The following GALNT14 variants were observed in gnomAD, a reference collection of about 807,000 sequenced individuals.
The protein encoded by GALNT14 is polypeptide N-acetylgalactosaminyltransferase 14.
A neutral mutation model predicts 77.5 loss-of-function variants in GALNT14; 60 were observed. The observed-to-expected ratio is 0.77, with a 90% confidence interval of 0.63 to 0.96. The LOEUF (loss-of-function observed/expected upper bound fraction) is 0.96. GALNT14 is among the 40% of genes least tolerant of loss of function. The probability of loss-of-function intolerance (pLI) is 0.00; values close to 1 mark genes in which losing one functional copy is unlikely to be tolerated. For missense variants in GALNT14, 710 were observed against 731.0 expected, an observed-to-expected ratio of 0.97 and a Z score of 0.33; for synonymous variants, 280 against 281.7, an observed-to-expected ratio of 0.99 and a Z score of 0.06.
At chr2:30,889,055 G>A in the GALNT14 span, among the ~76,000 whole-genome samples, 1 of 152,062 alleles carries the variant, frequency 6.6e-6, no homozygotes, top group Non-Finnish European at 1.5e-5. Flanking sequence ...CCTGGGAGTA[G>A]GACTCCTCCC....
the GALNT14 span, among the ~76,000 whole-genome samples, chr2:30,891,757 C>A: frequency 6.6e-6 from 1 of 152,100 alleles, no homozygotes; most frequent in African/African-American, 2.4e-5. Flanking sequence ...ATTCTTCCTG[C>A]ATTATGAGAG....
chr2:31,074,171 C>A (rs1229129727), intron 1 of GALNT14, among the ~76,000 whole-genome samples: 5 of 152,068 alleles, frequency 3.3e-5, no homozygotes, highest in African/African-American at 1.2e-4. Flanking sequence ...GGAGACGGTG[C>A]CAGGGAGACG....
intron 2 of GALNT14, among the ~76,000 whole-genome samples, chr2:30,984,956 C>T (rs1285618104): frequency 6.6e-6 from 1 of 152,028 alleles, no homozygotes; most frequent in Non-Finnish European, 1.5e-5. Flanking sequence ...TGTATTAATT[C>T]CAAGAGCAAG....
intron 2 of GALNT14, among the ~76,000 whole-genome samples, chr2:30,987,400 C>T (rs1669364652): frequency 6.6e-6 from 1 of 152,152 alleles, no homozygotes; most frequent in South Asian, 2.1e-4. Flanking sequence ...CCCTGGAAAT[C>T]CTAAGAAAGG....
intron 1 of GALNT14, among the ~76,000 whole-genome samples, chr2:31,125,618 A>C (rs937299404): frequency 6.6e-6 from 1 of 152,242 alleles, no homozygotes; most frequent in Non-Finnish European, 1.5e-5. Context: ...AAAAGGACTA[A>C]GTGTAAAACG....
intron 6 of GALNT14, among the ~76,000 whole-genome samples, chr2:30,950,543 G>C (rs1282204663): frequency 3.3e-5 from 5 of 152,114 alleles, no homozygotes; most frequent in Non-Finnish European, 5.9e-5. Context: ...GGAAACACAG[G>C]CTGACTCACG....
intron 1 of GALNT14, among the ~76,000 whole-genome samples, chr2:31,116,248 G>A (rs1476370506): frequency 6.6e-6 from 1 of 151,762 alleles, no homozygotes; most frequent in East Asian, 1.9e-4. Context: ...GTAATAAAAT[G>A]GAGAAAGATA....
At chr2:30,942,341 T>C (rs754321805) in intron 8 of GALNT14, 37 bp from the exon 9 acceptor site, 34 of 1,487,840 alleles carry the variant, frequency 2.3e-5, no homozygotes, top group Non-Finnish European at 1.9e-6. Context: ...GGATCAGTTC[T>C]AGTGGGGAGA....
chr2:31,021,052 G>A (rs935367782), intron 1 of GALNT14, among the ~76,000 whole-genome samples: 1 of 152,134 alleles, frequency 6.6e-6, no homozygotes, highest in African/African-American at 2.4e-5. Flanking sequence ...TTGCCAATGG[G>A]ACTGGAGGGA....
At chr2:31,047,067 T>C (rs563206605) in intron 1 of GALNT14, among the ~76,000 whole-genome samples, 1 of 152,158 alleles carries the variant, frequency 6.6e-6, no homozygotes, top group African/African-American at 2.4e-5. Context: ...TCTCACAGCA[T>C]AGATCACCTT....
chr2:30,989,581 TAA>T lies in GALNT14; in HGVS notation c.299+3255_299+3256del, dbSNP rs869234873. On this transcript the variant is annotated intron_variant, in intron 2 of 14. Coordinates refer to ENST00000349752, the MANE Select transcript of GALNT14 (RefSeq NM_024572.4). ...TACCTTATATATATATATATATATA[TAA>T]AAATATATATATTAGTAGATATATA... Among the ~76,000 whole-genome samples, 785 of 108,162 alleles carry T rather than the reference TAA, an allele frequency of 7.3e-3. 27 individuals carry two copies. Among genetic ancestry groups the T allele is most frequent in the Non-Finnish European group, 0.011 (607 of 57,148 alleles). 71.0% of individuals were successfully genotyped at this position (108,162 alleles called of 152,430 possible). A position where few individuals can be genotyped will look rare whatever the true frequency, so the allele number is the denominator to read the frequency against.
chr2:30,892,996 A>T, the GALNT14 span, among the ~76,000 whole-genome samples: 1 of 152,358 alleles, frequency 6.6e-6, no homozygotes, highest in African/African-American at 2.4e-5. Flanking sequence ...CAAATGTTAT[A>T]CCTTTATAAA....
At chr2:31,016,315 T>C (rs548504713) in intron 1 of GALNT14, among the ~76,000 whole-genome samples, 8 of 152,128 alleles carry the variant, frequency 5.3e-5, no homozygotes, top group Non-Finnish European at 1.2e-4. Context: ...CCAATCAGAT[T>C]GTATTATGCC....
At chr2:31,123,042 C>T (rs1352728007) in intron 1 of GALNT14, among the ~76,000 whole-genome samples, 5 of 151,846 alleles carry the variant, frequency 3.3e-5, no homozygotes, top group Non-Finnish European at 7.4e-5. Flanking sequence ...ATTAGCCGGG[C>T]GGGGTGACGG....
At chr2:30,936,659 A>G (rs1666074336) in intron 9 of GALNT14, among the ~76,000 whole-genome samples, 1 of 152,162 alleles carries the variant, frequency 6.6e-6, no homozygotes, top group African/African-American at 2.4e-5. Flanking sequence ...CTGGGCTAGA[A>G]AGCAAGTTCT....
chr2:31,043,231 A>G (rs906089490), intron 1 of GALNT14, among the ~76,000 whole-genome samples: 1 of 150,594 alleles, frequency 6.6e-6, no homozygotes, highest in Non-Finnish European at 1.5e-5. Flanking sequence ...TTTCTCACTC[A>G]CCCCCCTGTA....
chr2:30,909,932 A>T (rs200419285), downstream of GALNT14, among the ~76,000 whole-genome samples: 20,071 of 150,746 alleles, frequency 0.13, 1,352 homozygotes, highest in Middle Eastern at 0.18. Context: ...AAATTGGAAA[A>T]CATCATTCTC....
chr2:30,896,546 T>A, the GALNT14 span, among the ~76,000 whole-genome samples: 1 of 152,200 alleles, frequency 6.6e-6, no homozygotes, highest in Admixed American at 6.5e-5. Flanking sequence ...CTACTATTTT[T>A]ATGTGCATTG....
chr2:31,027,716 T>C (rs1269998942), intron 1 of GALNT14, among the ~76,000 whole-genome samples: 2 of 152,218 alleles, frequency 1.3e-5, no homozygotes, highest in African/African-American at 4.8e-5. Context: ...TCACAATTTA[T>C]GTCCCCACCC....
Sources: allele counts gnomAD v4.1 joint callset (sites outside exome capture counted in the v4.1 genomes callset), GRCh38; gene constraint gnomAD v4.1.1; transcripts MANE v1.5; gene names NCBI Gene and HGNC (gene_info 2026-07-23, HGNC 2026-07-21).